WDR47: variants seen among roughly 807,000 people sequenced by gnomAD.
WDR47 encodes WD repeat domain 47, also known as WD repeat-containing protein 47.
Under a neutral mutation model 97.2 loss-of-function variants are expected in WDR47, and 32 were observed. The ratio of observed to expected loss-of-function variants is 0.33; its 90% CI spans 0.25 to 0.44. The LOEUF (loss-of-function observed/expected upper bound fraction) is 0.44, where lower values mean the gene tolerates loss of function less well. WDR47 is among the 20% of genes least tolerant of loss of function. The pLI is 1.00. For synonymous variants in WDR47, 375 were observed against 373.5 expected (o/e 1.00, Z -0.05); for missense variants, 782 against 1,102.3 (o/e 0.71, Z 4.11).
At chr1:109,000,911 T>G (rs1355504659) in intron 7 of WDR47, among the ~76,000 whole-genome samples, 1 of 152,186 alleles carries the variant, frequency 6.6e-6, no homozygotes, top group Non-Finnish European at 1.5e-5. Context: ...GTGCCAGAAC[T>G]GTTGTAAGCA....
At chr1:108,995,322 G>C (rs2101876640) in intron 8 of WDR47, among the ~76,000 whole-genome samples, 1 of 152,282 alleles carries the variant, frequency 6.6e-6, no homozygotes, top group African/African-American at 2.4e-5. Flanking sequence ...GGTTCTTTGA[G>C]TAGGATGGCT....
intron 7 of WDR47, among the ~76,000 whole-genome samples, chr1:108,997,780 A>AGAAG (rs1557932832): frequency 6.7e-6 from 1 of 149,988 alleles, no homozygotes; most frequent in African/African-American, 2.5e-5. Flanking sequence ...AAAAAAAGAA[A>AGAAG]GAAGGAAGGA....
Position 109,011,655 on chromosome 1 carries a change from TAGA to T in WDR47, c.388_390del (p.Ser130del), listed in dbSNP as rs764292770. 7 of 1,614,052 alleles carry T rather than the reference TAGA, an allele frequency of 4.3e-6. No individual in the cohort carries two copies. The African/African-American group carries it at 6.7e-5, about 15-fold the overall frequency. Reference sequence around the variant, plus strand: ...AAACAGAGCTTACTATAGTCATCTTTAGAAGGACAGTATTCTTCTAGAGCATGT... The same window carrying T: ...AAACAGAGCTTACTATAGTCATCTTTAGGACAGTATTCTTCTAGAGCATGT... On this transcript the variant is annotated inframe_deletion, in exon 5 of 15. Coordinates refer to ENST00000369962, the MANE Select transcript of WDR47 (RefSeq NM_001142551.2).
intron 1 of WDR47, among the ~76,000 whole-genome samples, chr1:109,036,759 C>G (rs1021008734): frequency 6.8e-6 from 1 of 147,394 alleles, no homozygotes; most frequent in Non-Finnish European, 1.5e-5. Flanking sequence ...TGGCGTGAAC[C>G]CCGGGGCGGA....
intron 14 of WDR47, among the ~76,000 whole-genome samples, chr1:108,974,116 CA>C (rs1165492784): frequency 1.3e-5 from 2 of 151,726 alleles, no homozygotes; most frequent in Non-Finnish European, 2.9e-5. Context: ...ATCACTTGAG[CA>C]GGGGAGATAA....
intron 8 of WDR47, chr1:108,992,154 A>G (rs1380161852): frequency 4.6e-5 from 29 of 629,914 alleles, no homozygotes; most frequent in Non-Finnish European, 3.4e-5. Context: ...CAGATTAATA[A>G]GGAAACAAGA....
intron 5 of WDR47, among the ~76,000 whole-genome samples, chr1:109,008,161 G>C (rs1261859905): frequency 6.6e-6 from 1 of 151,938 alleles, no homozygotes; most frequent in Non-Finnish European, 1.5e-5. Flanking sequence ...TTAACTGATT[G>C]AAGTTAGATT....
chr1:109,020,908 T>C (rs1286637260), intron 2 of WDR47, among the ~76,000 whole-genome samples: 1 of 146,112 alleles, frequency 6.8e-6, no homozygotes, highest in Non-Finnish European at 1.5e-5. Flanking sequence ...TTTTCTGAGA[T>C]GGAGTTTCCT....
chr1:109,035,081 C>CAA (rs776324573), intron 1 of WDR47, among the ~76,000 whole-genome samples: 3 of 130,898 alleles, frequency 2.3e-5, no homozygotes, highest in Admixed American at 7.9e-5. Flanking sequence ...CCTGTCTCTC[C>CAA]AAAAAAAAAA....
chr1:109,004,531 A>C (rs972391121), intron 6 of WDR47, 61 bp downstream of exon 6: 11 of 1,500,320 alleles, frequency 7.3e-6, no homozygotes, highest in Non-Finnish European at 9.8e-6. Flanking sequence ...ATTCTAAGTA[A>C]ATTCTATTAC....
At chr1:109,015,080 G>A (rs978688358) in intron 3 of WDR47, among the ~76,000 whole-genome samples, 1 of 152,146 alleles carries the variant, frequency 6.6e-6, no homozygotes, top group African/African-American at 2.4e-5. Flanking sequence ...ACTCTCAGAA[G>A]ACAATCAGAA....
At chr1:108,988,937 T>C (rs543426804) in intron 9 of WDR47, among the ~76,000 whole-genome samples, 316 of 152,194 alleles carry the variant, frequency 2.1e-3, no homozygotes, top group Non-Finnish European at 3.8e-3. Context: ...TTTGTATTTT[T>C]AGTAGAGATG....
Position 109,013,858 on chromosome 1 carries a change from C to G in WDR47, c.310G>C (p.Glu104Gln). 6.2e-7 allele frequency: 1 copy of G among 1,613,726 alleles called. No homozygotes were observed. Among genetic ancestry groups the G allele is most frequent in the Non-Finnish European group, 8.5e-7 (1 of 1,179,962 alleles). ...ALCVNNAMSA[E>Q]DEPQHLEFTM... is the part of the protein sequence containing the mutation. The stretch of plus-strand genomic sequence containing the variant: ...AATCTTACATGCTGGGGCTCATCTT[C>G]TGCTGACATCGCGTTGTTAACACAT... The change falls in exon 4 of 15, where the codon GAA (glutamate) becomes CAA (glutamine). Residue 104 changes from glutamate (E) to glutamine (Q), a missense_variant. This residue lies in a region of WDR47 where 428 missense variants were observed against 584.3 expected (regional missense o/e 0.73). Coordinates refer to ENST00000369962, the MANE Select transcript of WDR47 (RefSeq NM_001142551.2).
intron 1 of WDR47, 76 bp from the exon 2 acceptor site, chr1:109,023,597 A>C (rs1190867485): frequency 7.0e-7 from 1 of 1,428,410 alleles, no homozygotes; most frequent in East Asian, 2.3e-5. Flanking sequence ...GCAACTACAC[A>C]TAACAGGTTT....
At chr1:108,983,203 A>G in intron 11 of WDR47, 79 bp downstream of exon 11, 1 of 1,322,568 alleles carries the variant, frequency 7.6e-7, no homozygotes, top group South Asian at 2.0e-5. Context: ...TTCATTAAAG[A>G]CAATACAGAA....
chr1:109,017,658 A>AAT, intron 2 of WDR47, 57 bp from the exon 3 acceptor site: 12 of 1,351,688 alleles, frequency 8.9e-6, no homozygotes, highest in Non-Finnish European at 1.1e-5. Flanking sequence ...ATACTAATTA[A>AAT]AAGCAGAACA....
intron 1 of WDR47, among the ~76,000 whole-genome samples, chr1:109,028,368 T>TTTTTG (rs1662368391): frequency 7.6e-6 from 1 of 132,446 alleles, no homozygotes; most frequent in Non-Finnish European, 1.6e-5. Flanking sequence ...TTGGGTTTTT[T>TTTTTG]TTTTTTTTTT....
In WDR47 at chr1:108,995,801, C is replaced by G. The variant is rs1284819743; in HGVS notation, c.1470G>C (p.Met490Ile). 1 of 1,614,070 alleles carries G rather than the reference C, an allele frequency of 6.2e-7. No individual in the cohort carries two copies. The highest frequency in any genetic ancestry group is 2.2e-5 in the East Asian group (1 of 44,868). ...CTGATACCTCATTACCAAGGCCATC[C>G]ATTCCAATATTTAATTCACCAAGCT... Reference protein sequence around the residue: ...IQKLGELNIGMDGLGNEVSAL... With the variant: ...IQKLGELNIGIDGLGNEVSAL... The change falls in exon 8 of 15, where the codon ATG becomes ATC. Residue 490 changes from methionine (M) to isoleucine (I), a missense_variant. Coordinates refer to ENST00000369962, the MANE Select transcript of WDR47 (RefSeq NM_001142551.2).
chr1:108,994,981 G>A (rs1387098612), intron 8 of WDR47, among the ~76,000 whole-genome samples: 1 of 152,068 alleles, frequency 6.6e-6, no homozygotes, highest in Non-Finnish European at 1.5e-5. Context: ...CAAAAAGCTG[G>A]GAATCTCATC....
Sources: gnomAD v4.1 joint callset for allele counts (sites outside exome capture counted in the v4.1 genomes callset) on GRCh38, gnomAD v4.1.1 for gene constraint, gnomAD v4.1.1 regional missense constraint, MANE v1.5 for transcripts, NCBI Gene and HGNC (gene_info 2026-07-23, HGNC 2026-07-21) for gene names.